Variants in HCRTR2 observed in about 807,000 individuals in gnomAD.
HCRTR2 encodes the protein orexin receptor type 2.
A neutral mutation model predicts 49.0 loss-of-function variants in HCRTR2; 22 were observed. That is an observed-to-expected ratio of 0.45 (90% CI 0.32 to 0.64). The LOEUF is 0.64. Ranked by LOEUF, HCRTR2 falls within the 30% of genes least tolerant of loss-of-function variation. HCRTR2 has a pLI of 0.04. For synonymous variants in HCRTR2, 236 were observed against 205.3 expected, an observed-to-expected ratio of 1.15 and a Z score of -1.28; for missense variants, 491 against 559.4, an observed-to-expected ratio of 0.88 and a Z score of 1.23.
chr6:55,186,685 G>A (rs1765221540), intron 1 of HCRTR2, among the ~76,000 whole-genome samples: 2 of 152,178 alleles, frequency 1.3e-5, no homozygotes, highest in South Asian at 2.1e-4. Flanking sequence ...ATTCTTGGTT[G>A]TTTTTATAAA....
At chr6:55,273,443 TC>T (rs1208099490) in intron 4 of HCRTR2, among the ~76,000 whole-genome samples, 2 of 152,024 alleles carry the variant, frequency 1.3e-5, no homozygotes, top group Non-Finnish European at 2.9e-5. Flanking sequence ...CTCAGACTCA[TC>T]CAGCCACAAA....
At chr6:55,237,537 T>G (rs1766236668) in intron 1 of HCRTR2, among the ~76,000 whole-genome samples, 1 of 152,338 alleles carries the variant, frequency 6.6e-6, no homozygotes, top group Non-Finnish European at 1.5e-5. Context: ...GCATCTCATA[T>G]TATCAGCTTT....
At chr6:55,180,548 G>A (rs1338206460) in intron 1 of HCRTR2, among the ~76,000 whole-genome samples, 1 of 150,020 alleles carries the variant, frequency 6.7e-6, no homozygotes, top group Non-Finnish European at 1.5e-5. Flanking sequence ...AATAGGTGCT[G>A]CCAAAAATGC....
rs542099049 is a variant in HCRTR2 at position 55,113,240 on chromosome 6, A to G, written c.-378+6695A>G. Among the ~76,000 whole-genome samples, 84 of 152,098 alleles carry G rather than the reference A, an allele frequency of 5.5e-4. 3 individuals carry two copies. In the South Asian group the frequency reaches 0.017, roughly 31 times the overall value. ...TTAGGCAAAGACTTCATGACCAAGA[A>G]CCCCAAAGCAAATGCAACATAAGCA... is the stretch of plus-strand genomic sequence containing the variant. On this transcript the variant is annotated intron_variant, in intron 1 of 7. Coordinates refer to the HCRTR2 transcript ENST00000615358.
chr6:55,136,133 T>G (rs1764430398), intron 1 of HCRTR2, among the ~76,000 whole-genome samples: 1 of 152,204 alleles, frequency 6.6e-6, no homozygotes, highest in Non-Finnish European at 1.5e-5. Context: ...GATCTCATAC[T>G]CTCTTAACAC....
chr6:55,112,795 A>G (rs1157744688), intron 1 of HCRTR2, among the ~76,000 whole-genome samples: 2 of 151,932 alleles, frequency 1.3e-5, no homozygotes, highest in South Asian at 2.1e-4. Context: ...AAAACCTTCA[A>G]TTCCTATGAT....
At chr6:55,170,246 T>A (rs1214327135), upstream of HCRTR2, among the ~76,000 whole-genome samples, 1 of 148,834 alleles carries the variant, frequency 6.7e-6, no homozygotes, top group Admixed American at 6.7e-5. Context: ...ACAATATATT[T>A]ATTTTGTATA....
At chr6:55,243,226 T>C (rs1465093085) in intron 1 of HCRTR2, among the ~76,000 whole-genome samples, 1 of 152,212 alleles carries the variant, frequency 6.6e-6, no homozygotes. Context: ...TGAATCTGCA[T>C]TCTTGCCTTC....
chr6:55,107,609 T>A (rs1561973037), intron 1 of HCRTR2, among the ~76,000 whole-genome samples: 1 of 152,066 alleles, frequency 6.6e-6, no homozygotes, highest in Non-Finnish European at 1.5e-5. Flanking sequence ...GTCTAATCTT[T>A]AAAAAAATGT....
intron 1 of HCRTR2, among the ~76,000 whole-genome samples, chr6:55,216,330 C>T (rs1026335860): frequency 3.9e-5 from 6 of 152,100 alleles, no homozygotes; most frequent in Non-Finnish European, 5.9e-5. Context: ...ATTCCATTCC[C>T]GTAGCCCCAA....
At chr6:55,177,698 T>C (rs1428299916) in intron 1 of HCRTR2, among the ~76,000 whole-genome samples, 1 of 152,128 alleles carries the variant, frequency 6.6e-6, no homozygotes, top group Non-Finnish European at 1.5e-5. Flanking sequence ...TGTCCTTTCA[T>C]GAAGTGATGT....
chr6:55,263,582 CATAAT>C (rs1313279979), intron 3 of HCRTR2, 120 bp from the exon 4 acceptor site: 4 of 677,428 alleles, frequency 5.9e-6, no homozygotes, highest in South Asian at 3.2e-5. Flanking sequence ...CCTTTGCATA[CATAAT>C]ATGACAATGA....
chr6:55,197,747 G>A (rs559625174), intron 1 of HCRTR2, among the ~76,000 whole-genome samples: 7 of 152,012 alleles, frequency 4.6e-5, no homozygotes, highest in South Asian at 4.2e-4. Flanking sequence ...TCAGCCTCCC[G>A]AGTAGCTGGG....
intron 1 of HCRTR2, among the ~76,000 whole-genome samples, chr6:55,160,216 A>G (rs1362425267): frequency 6.6e-6 from 1 of 152,188 alleles, no homozygotes; most frequent in East Asian, 1.9e-4. Context: ...TTCAACCCAC[A>G]ATTTCATATC....
At position 55,196,188 on chromosome 6, in the gene HCRTR2, T is replaced by C. The variant is rs183131784; in HGVS notation, c.223+21378T>C. ...CCCCTTCTTCTAACAGCACTACATC[T>C]TTCTTTAGGAAACTATCCTTTTGCC... On this transcript the variant is annotated intron_variant, in intron 1 of 6. Coordinates refer to ENST00000370862, the MANE Select transcript of HCRTR2 (RefSeq NM_001384272.1). 2.3e-3 allele frequency among the ~76,000 whole-genome samples: 347 copies of C among 152,294 alleles called. 2 individuals carry two copies. Among genetic ancestry groups the C allele is most frequent in the African/African-American group, 7.6e-3 (317 of 41,562 alleles).
chr6:55,157,925 G>A (rs1764751939), intron 1 of HCRTR2, among the ~76,000 whole-genome samples: 1 of 152,160 alleles, frequency 6.6e-6, no homozygotes, highest in Non-Finnish European at 1.5e-5. Flanking sequence ...AACAAGTTTG[G>A]ACTGGGAGGA....
intron 1 of HCRTR2, among the ~76,000 whole-genome samples, chr6:55,107,375 G>T (rs941659876): frequency 6.6e-6 from 1 of 151,694 alleles, no homozygotes; most frequent in African/African-American, 2.4e-5. Flanking sequence ...ACTTGTTTTC[G>T]GTTTCAGAGA....
intron 1 of HCRTR2, among the ~76,000 whole-genome samples, chr6:55,203,393 T>G (rs1765545102): frequency 6.6e-6 from 1 of 152,220 alleles, no homozygotes; most frequent in South Asian, 2.1e-4. Context: ...TTTTTTATAC[T>G]GTCGGCCTAC....
At chr6:55,233,380 C>T (rs964825134) in intron 1 of HCRTR2, among the ~76,000 whole-genome samples, 3 of 152,138 alleles carry the variant, frequency 2.0e-5, no homozygotes, top group South Asian at 2.1e-4. Flanking sequence ...CATGAGCCAC[C>T]ACGCATGGCC....
Sources: allele counts gnomAD v4.1 joint callset (sites outside exome capture counted in the v4.1 genomes callset), GRCh38; gene constraint gnomAD v4.1.1; transcripts MANE v1.5; gene names NCBI Gene and HGNC (gene_info 2026-07-23, HGNC 2026-07-21).